Variants in BSN observed in about 807,000 individuals in gnomAD.
BSN encodes the protein bassoon presynaptic cytomatrix protein.
Under a neutral mutation model 264.8 loss-of-function variants are expected in BSN, and 57 were observed. That is an observed-to-expected ratio of 0.22 (90% CI 0.17 to 0.27). BSN has a LOEUF of 0.27. Among genes scored for constraint, BSN ranks in the 10% least tolerant of loss-of-function variants. BSN has a pLI of 1.00. For missense variants in BSN, 4,615 were observed against 5,232.5 expected (o/e 0.88, Z 3.64); for synonymous variants, 2,059 against 2,137.3 (o/e 0.96, Z 1.01).
chr3:49,586,907 T>C (rs1212323823), intron 1 of BSN, among the ~76,000 whole-genome samples: 1 of 152,186 alleles, frequency 6.6e-6, no homozygotes, highest in African/African-American at 2.4e-5. Flanking sequence ...TTTTGTGGTT[T>C]CATATAAATT....
rs1399552093 is a variant in BSN, at chr3:49,655,855, G to A, written c.6299G>A (p.Arg2100His). Residue 2100 changes from arginine (R) to histidine (H), a missense_variant, in exon 5 of 12, where the codon CGC becomes CAC. By Grantham distance (29) the Arg-to-His change is conservative. Coordinates refer to ENST00000296452, the MANE Select transcript of BSN (RefSeq NM_003458.4). ...GCCACCACAGCCCGTGAAATCAGTC[G>A]CATGTGCGCTGCCCTCAACTCCATG... ...YSATTAREIS[R>H]MCAALNSMDQ... is the part of the protein sequence containing the mutation. 9 of 1,613,200 alleles carry A rather than the reference G, an allele frequency of 5.6e-6. No individual in the cohort carries two copies. Among genetic ancestry groups the A allele is most frequent in the East Asian group, 2.2e-5 (1 of 44,884 alleles).
chr3:49,658,683 C>T (rs1158612276), intron 5 of BSN, among the ~76,000 whole-genome samples: 1 of 152,214 alleles, frequency 6.6e-6, no homozygotes, highest in African/African-American at 2.4e-5. Flanking sequence ...TATGGCCTAG[C>T]ACTAGAGGCC....
chr3:49,649,952 C>T (rs1466498697), intron 3 of BSN, among the ~76,000 whole-genome samples: 2 of 152,232 alleles, frequency 1.3e-5, no homozygotes, highest in Non-Finnish European at 1.5e-5. Flanking sequence ...GAGGCCTCTA[C>T]CTGAGGGTCT....
rs768880836 is a variant in BSN at position 49,653,729 on chromosome 3, T to C, written c.4173T>C (p.Ala1391=). 8.1e-6 allele frequency: 13 copies of C among 1,613,836 alleles called. No homozygotes were observed. Among genetic ancestry groups the C allele is most frequent in the African/African-American group, 1.3e-5 (1 of 74,864 alleles). ...CCACAGCTGTGGCTCCTTGTCCAGC[T>C]GGGCTGCCACGAGGATATATGACTC... ...PATTAVAPCP[A]GLPRGYMTPA... is the part of the protein sequence containing the mutation. The change falls in exon 5 of 12, where the codon GCT becomes GCC. Residue 1391 remains alanine, a synonymous_variant. Coordinates refer to ENST00000296452, the MANE Select transcript of BSN (RefSeq NM_003458.4). The surrounding 1 kb of genome is among the most constrained non-coding windows in gnomAD (Gnocchi z 6.3).
At position 49,595,262 on chromosome 3, in the gene BSN, G is replaced by C. The variant is rs376433308; in HGVS notation, c.225-29713G>C. Among the ~76,000 whole-genome samples the C allele has an allele frequency of 2.0e-5, 3 of 149,258 alleles. No individual in the cohort carries two copies. In the Admixed American group the frequency reaches 2.0e-4, roughly 10 times the overall value. On this transcript the variant is annotated intron_variant, in intron 1 of 11. Transcript: ENST00000296452. ...GGCTGGAGTGCAATGGCACGATCTC[G>C]GCTCACTGCAATCTCCACCTCCTAG... is the stretch of plus-strand genomic sequence containing the variant.
intron 1 of BSN, among the ~76,000 whole-genome samples, chr3:49,590,038 A>G (rs569223649): frequency 6.6e-6 from 1 of 151,664 alleles, no homozygotes; most frequent in East Asian, 1.9e-4. Flanking sequence ...GGGTTTCACC[A>G]TGTTGGCCAG....
chr3:49,589,144 C>T (rs575892147), intron 1 of BSN, among the ~76,000 whole-genome samples: 1 of 146,924 alleles, frequency 6.8e-6, no homozygotes, highest in South Asian at 2.1e-4. Context: ...GATCTCCTGA[C>T]CTTGTGATCC....
downstream of BSN, among the ~76,000 whole-genome samples, chr3:49,672,479 C>CTTT (rs371314787): frequency 5.6e-5 from 8 of 143,048 alleles, no homozygotes; most frequent in Admixed American, 6.9e-5. Flanking sequence ...AGTTGGGACT[C>CTTT]TTTTTTTTTT....
chr3:49,614,585 A>G (rs898260303), intron 1 of BSN, among the ~76,000 whole-genome samples: 1 of 152,182 alleles, frequency 6.6e-6, no homozygotes, highest in Non-Finnish European at 1.5e-5. Context: ...GTGAGACACT[A>G]CAAGAATATG....
At chr3:49,579,572 TTTTC>T (rs1241775182) in intron 1 of BSN, among the ~76,000 whole-genome samples, 4 of 151,072 alleles carry the variant, frequency 2.6e-5, no homozygotes, top group African/African-American at 9.7e-5. Context: ...CCAGCTGATT[TTTTC>T]TTTCTTTCTT....
At chr3:49,623,523 A>G (rs1238294819) in intron 1 of BSN, among the ~76,000 whole-genome samples, 1 of 152,230 alleles carries the variant, frequency 6.6e-6, no homozygotes, top group Non-Finnish European at 1.5e-5. Flanking sequence ...ACTACCCAAC[A>G]CTGTTGGCTC....
At chr3:49,566,640 G>A (rs951643680) in intron 1 of BSN, among the ~76,000 whole-genome samples, 1 of 151,966 alleles carries the variant, frequency 6.6e-6, no homozygotes, top group African/African-American at 2.4e-5. Flanking sequence ...AAAAAAATTA[G>A]CCAGGCATAA....
At position 49,642,062 on chromosome 3, in the gene BSN, C is replaced by T. The variant is rs1385778724; in HGVS notation, c.634-206C>T. On this transcript the variant is annotated intron_variant, in intron 2 of 11. Coordinates refer to ENST00000296452, the MANE Select transcript of BSN (RefSeq NM_003458.4). The surrounding 1 kb of genome is among the most constrained non-coding windows in gnomAD (Gnocchi z 7.0). ...TGGGGGATGGGACTGCCTCCACTGC[C>T]TCACATGCCTGGCAACTCCTAGAGG... 6.6e-6 allele frequency among the ~76,000 whole-genome samples: 1 copy of T among 152,142 alleles called. No homozygotes were observed. The highest frequency in any genetic ancestry group is 1.5e-5 in the Non-Finnish European group (1 of 68,018).
intron 1 of BSN, among the ~76,000 whole-genome samples, chr3:49,561,750 C>T (rs532096886): frequency 5.3e-5 from 8 of 152,156 alleles, no homozygotes; most frequent in African/African-American, 1.7e-4. Flanking sequence ...GAATGCAATA[C>T]ATTGGTGTTA....
At position 49,652,172 on chromosome 3, in the gene BSN, T is replaced by C; in HGVS notation, c.2616T>C (p.His872=). ...CCTCCGGGCGTGGCCTGGCCAAACA[T>C]GGCACCCAGAAAGGTGGCCCCAGAC... The part of the protein sequence containing the change: ...TATSGRGLAK[H]GTQKGGPRPR... Residue 872 remains histidine, a synonymous_variant, in exon 5 of 12, where the codon CAT becomes CAC. Coordinates refer to ENST00000296452, the MANE Select transcript of BSN (RefSeq NM_003458.4). 1 of 1,613,908 alleles carries C rather than the reference T, an allele frequency of 6.2e-7. No homozygotes were observed. Among genetic ancestry groups the C allele is most frequent in the Non-Finnish European group, 8.5e-7 (1 of 1,179,926 alleles).
chr3:49,660,578 C>T lies in BSN; in HGVS notation c.8733C>T (p.Gly2911=), dbSNP rs1012328729. 12 of 1,608,058 alleles carry T rather than the reference C, an allele frequency of 7.5e-6. No individual in the cohort carries two copies. The Admixed American group carries it at 1.7e-4, about 22-fold the overall frequency. The change falls in exon 6 of 12, where the codon GGC becomes GGT. Residue 2911 remains glycine (G), a synonymous_variant. Coordinates refer to ENST00000296452, the MANE Select transcript of BSN (RefSeq NM_003458.4). This position sits in a 1 kb window ranked among gnomAD's most constrained non-coding sequence, Gnocchi z 7.1. ...AGGAGGCTCACCTTCCCCTGGCTGG[C>T]CAGGCCTCCCCACAGCTGTATGCAG... ...PPEEAHLPLA[G]QASPQLYAAS... is the part of the protein sequence containing the mutation.
chr3:49,654,038 C>A lies in BSN; in HGVS notation c.4482C>A (p.Gly1494=). 1 of 1,613,802 alleles carries A rather than the reference C, an allele frequency of 6.2e-7. No individual in the cohort carries two copies. The highest frequency in any genetic ancestry group is 8.5e-7 in the Non-Finnish European group (1 of 1,179,928). ...SPSESPTFSP[G]KMGPRATAEF... is the part of the protein sequence containing the mutation. ...CAGAGAGTCCCACATTCTCCCCTGG[C>A]AAGATGGGCCCAAGGGCCACAGCAG... The change falls in exon 5 of 12, where the codon GGC becomes GGA. Residue 1494 remains glycine, a synonymous_variant. Coordinates refer to ENST00000296452, the MANE Select transcript of BSN (RefSeq NM_003458.4). This position sits in a 1 kb window ranked among gnomAD's most constrained non-coding sequence, Gnocchi z 4.1.
Position 49,663,314 on chromosome 3 carries a change from C to G in BSN, c.11156C>G (p.Ser3719Cys). The G allele has an allele frequency of 6.2e-7, 1 of 1,614,064 alleles. No homozygotes were observed. The highest frequency in any genetic ancestry group is 8.5e-7 in the Non-Finnish European group (1 of 1,180,034). Residue 3719 changes from serine to cysteine, a missense_variant, in exon 7 of 12, where the codon TCT (serine) becomes TGT (cysteine). Coordinates refer to ENST00000296452, the MANE Select transcript of BSN (RefSeq NM_003458.4). The stretch of plus-strand genomic sequence containing the variant: ...GCTTCATCCGCATACCATCATGCCT[C>G]TGACAGCAAGAAGGGCTCCCGGCAA... ...SRASSAYHHA[S>C]DSKKGSRQAH...
At chr3:49,595,657 C>G (rs2052017615) in intron 1 of BSN, among the ~76,000 whole-genome samples, 1 of 152,110 alleles carries the variant, frequency 6.6e-6, no homozygotes, top group South Asian at 2.1e-4. Flanking sequence ...ACACCCAGCC[C>G]CTGTAAATGT....
Sources: allele counts gnomAD v4.1 joint callset (sites outside exome capture counted in the v4.1 genomes callset), GRCh38; gene constraint gnomAD v4.1.1; non-coding constraint Gnocchi (gnomAD v3.1); transcripts MANE v1.5; gene names NCBI Gene and HGNC (gene_info 2026-07-23, HGNC 2026-07-21).